FAAH2: variants seen among roughly 807,000 people sequenced by gnomAD.
FAAH2 encodes fatty acid amide hydrolase 2, also known as fatty-acid amide hydrolase 2.
FAAH2 carries 60 observed loss-of-function variants against 36.9 expected under a neutral mutation model. The observed-to-expected ratio is 1.63, with a 90% CI of 1.32 to 2.02. FAAH2 has a LOEUF of 2.02. Ranked by LOEUF, FAAH2 falls within the 30% of genes most tolerant of loss-of-function variation. The probability of loss-of-function intolerance (pLI) is 0.00; values close to 1 mark genes in which losing one functional copy is unlikely to be tolerated. For synonymous variants in FAAH2, 214 were observed against 143.8 expected, an observed-to-expected ratio of 1.49 and a Z score of -3.49; for missense variants, 689 against 397.5, an observed-to-expected ratio of 1.73 and a Z score of -6.23.
the FAAH2 span, among the ~76,000 whole-genome samples, chrX:57,163,594 A>G: frequency 8.9e-6 from 1 of 112,096 alleles, no homozygotes; most frequent in African/African-American, 3.2e-5. Flanking sequence ...TCAGAAAAGC[A>G]CAGTATTCAG....
intron 7 of FAAH2, among the ~76,000 whole-genome samples, chrX:57,404,696 G>C (rs966047982): frequency 9.0e-6 from 1 of 111,566 alleles, no homozygotes; most frequent in Non-Finnish European, 1.9e-5. Context: ...AGGAAGTGAA[G>C]GTCTGAAGCA....
chrX:57,488,637 T>C, intron 10 of FAAH2, 120 bp from the exon 11 acceptor site: 1 of 710,209 alleles, frequency 1.4e-6, no homozygotes, highest in Non-Finnish European at 2.0e-6. Context: ...TATTAAGTCC[T>C]AAGTAGATAG....
Position 57,480,877 on chromosome X carries a change from C to T in FAAH2, c.1424-7880C>T, listed in dbSNP as rs1055246902. On this transcript the variant is annotated intron_variant, in intron 10 of 10. Coordinates refer to ENST00000374900, the MANE Select transcript of FAAH2 (RefSeq NM_174912.4). ...CCCCATCACCCTCAGGGACCCCAGT[C>T]GATCGTAGGTTTGTTATTTTCACAT... 4.5e-5 allele frequency among the ~76,000 whole-genome samples: 5 copies of T among 110,502 alleles called. No individual in the cohort carries two copies. In the East Asian group the frequency reaches 1.1e-3, roughly 25 times the overall value.
At chrX:57,171,026 T>A in the FAAH2 span, among the ~76,000 whole-genome samples, 1 of 111,566 alleles carries the variant, frequency 9.0e-6, no homozygotes, top group East Asian at 2.8e-4. Context: ...TATTTTTTGA[T>A]CACTGAGTTA....
At position 57,488,933 on chromosome X, in the gene FAAH2, G is replaced by T. The variant is rs774327429; in HGVS notation, c.*1G>T. 6 of 1,206,054 alleles carry T rather than the reference G, an allele frequency of 5.0e-6. No individual in the cohort carries two copies. On this transcript the variant is annotated 3_prime_UTR_variant, in exon 11 of 11. Coordinates refer to ENST00000374900, the MANE Select transcript of FAAH2 (RefSeq NM_174912.4). ...CTGGGTCTGTCCAGGAAAGTTTTAG[G>T]AGGACCTTCTGCAAGGTTAATGTGT...
chrX:57,406,293 T>C (rs773527327), intron 7 of FAAH2, among the ~76,000 whole-genome samples: 13 of 112,514 alleles, frequency 1.2e-4, no homozygotes, highest in Non-Finnish European at 2.3e-4. Flanking sequence ...GCACACTATC[T>C]TCTGTGAGCT....
chrX:57,269,529 T>C, the FAAH2 span, among the ~76,000 whole-genome samples: 1 of 111,830 alleles, frequency 8.9e-6, no homozygotes, highest in Non-Finnish European at 1.9e-5. Flanking sequence ...AAATAGTCTC[T>C]AGGACTATGG....
chrX:57,267,836 GA>G, the FAAH2 span, among the ~76,000 whole-genome samples: 34 of 111,602 alleles, frequency 3.0e-4, no homozygotes, highest in East Asian at 5.6e-3. Flanking sequence ...TAGGATAAAA[GA>G]AAAAAAATTA....
chrX:57,392,433 C>T (rs1268743167), intron 7 of FAAH2, among the ~76,000 whole-genome samples: 1 of 111,221 alleles, frequency 9.0e-6, no homozygotes, highest in Admixed American at 9.6e-5. Context: ...ACGTCACTAA[C>T]GTAAATAGAC....
the FAAH2 span, among the ~76,000 whole-genome samples, chrX:57,247,897 T>C: frequency 8.9e-6 from 1 of 112,322 alleles, no homozygotes; most frequent in Non-Finnish European, 1.9e-5. Context: ...GAAGATACAG[T>C]CTCTTTTTAC....
the FAAH2 span, chrX:57,135,521 A>C: frequency 2.8e-6 from 1 of 361,682 alleles, no homozygotes; most frequent in Non-Finnish European, 4.6e-6. Context: ...TGCCATTTTT[A>C]AATGACTGAT....
intron 4 of FAAH2, among the ~76,000 whole-genome samples, chrX:57,335,681 GTCC>G (rs1414002450): frequency 9.1e-6 from 1 of 110,477 alleles, no homozygotes; most frequent in Non-Finnish European, 1.9e-5. Context: ...TCTTTTACTA[GTCC>G]TCCTCAGCAC....
the FAAH2 span, among the ~76,000 whole-genome samples, chrX:57,166,289 A>G: frequency 2.7e-5 from 3 of 111,798 alleles, no homozygotes; most frequent in Non-Finnish European, 3.8e-5. Context: ...TTTCTGGTAC[A>G]CTAAGACAAG....
the FAAH2 span, among the ~76,000 whole-genome samples, chrX:57,181,420 G>A: frequency 0.46 from 50,108 of 110,104 alleles, 11,417 homozygotes; most frequent in African/African-American, 0.89. Flanking sequence ...TACAAAAATC[G>A]CTATCGTTTT....
chrX:57,346,098 A>G (rs937936130), intron 5 of FAAH2, among the ~76,000 whole-genome samples: 2 of 110,994 alleles, frequency 1.8e-5, no homozygotes, highest in African/African-American at 6.5e-5. Flanking sequence ...TATATATTCC[A>G]TGATTGTTGG....
chrX:57,332,161 C>A (rs2053426755), intron 4 of FAAH2, among the ~76,000 whole-genome samples: 1 of 112,403 alleles, frequency 8.9e-6, no homozygotes, highest in Admixed American at 9.4e-5. Context: ...TGTGGGTTAG[C>A]AAAATATGAT....
chrX:57,486,846 C>A (rs928263575), intron 10 of FAAH2, among the ~76,000 whole-genome samples: 11 of 111,772 alleles, frequency 9.8e-5, no homozygotes, highest in African/African-American at 3.6e-4. Flanking sequence ...GCTGGAGGGG[C>A]TATCTCCCAA....
the FAAH2 span, among the ~76,000 whole-genome samples, chrX:57,220,153 TAA>T: frequency 1.8e-5 from 2 of 108,522 alleles, no homozygotes; most frequent in Non-Finnish European, 3.8e-5. Context: ...TTTTTCTCAT[TAA>T]ATCCAGCAGA....
At chrX:57,247,303 C>G in the FAAH2 span, among the ~76,000 whole-genome samples, 1 of 111,575 alleles carries the variant, frequency 9.0e-6, no homozygotes, top group African/African-American at 3.3e-5. Flanking sequence ...TTTTTACCTT[C>G]TTTATTATGA....
Sources: allele counts gnomAD v4.1 joint callset (sites outside exome capture counted in the v4.1 genomes callset), GRCh38; gene constraint gnomAD v4.1.1; transcripts MANE v1.5; gene names NCBI Gene and HGNC (gene_info 2026-07-23, HGNC 2026-07-21).